The following PIK3R6 variants were observed in gnomAD, a reference collection of about 807,000 sequenced individuals.
PIK3R6 encodes phosphoinositide-3-kinase regulatory subunit 6.
PIK3R6 carries 91 observed loss-of-function variants against 84.9 expected under a neutral mutation model. That is an observed-to-expected ratio of 1.07 (90% CI 0.90 to 1.28). The LOEUF is 1.28. Ranked by LOEUF, PIK3R6 falls within the 50% of genes most tolerant of loss-of-function variation. PIK3R6 has a pLI of 0.00. For synonymous variants in PIK3R6, 416 were observed against 411.4 expected (o/e 1.01, Z -0.13); for missense variants, 996 against 985.1 (o/e 1.01, Z -0.15).
chr17:8,823,847 C>T (rs572235230), intron 13 of PIK3R6, among the ~76,000 whole-genome samples: 81 of 152,260 alleles, frequency 5.3e-4, no homozygotes, highest in Middle Eastern at 3.4e-3. Context: ...GGGCTACTTG[C>T]CATTGGCCAA....
chr17:8,819,953 ATAT>A (rs1359133417), intron 17 of PIK3R6, among the ~76,000 whole-genome samples: 8 of 117,212 alleles, frequency 6.8e-5, no homozygotes, highest in East Asian at 5.3e-4. Flanking sequence ...ATATATATAT[ATAT>A]TTTTTTTTTG....
intron 1 of PIK3R6, 65 bp downstream of exon 1, chr17:8,867,464 C>T (rs1358578308): frequency 1.2e-5 from 3 of 243,130 alleles, no homozygotes; most frequent in Non-Finnish European, 8.8e-6. Context: ...TCCCTCCGTT[C>T]CACCCCTCTA....
intron 18 of PIK3R6, among the ~76,000 whole-genome samples, chr17:8,817,381 C>T (rs950731212): frequency 1.1e-4 from 17 of 152,158 alleles, no homozygotes; most frequent in African/African-American, 3.9e-4. Flanking sequence ...TGGTGGCTCA[C>T]GCTTGTAATC....
At chr17:8,816,437 C>G (rs2087544529) in intron 18 of PIK3R6, among the ~76,000 whole-genome samples, 1 of 152,062 alleles carries the variant, frequency 6.6e-6, no homozygotes, top group Non-Finnish European at 1.5e-5. Flanking sequence ...GGTCTTTAGA[C>G]ATATATAATG....
chr17:8,851,963 T>C (rs915636127), intron 1 of PIK3R6, among the ~76,000 whole-genome samples: 1 of 152,228 alleles, frequency 6.6e-6, no homozygotes, highest in Non-Finnish European at 1.5e-5. Context: ...AATTCAGATA[T>C]ATGCTGCATC....
chr17:8,856,827 A>AT (rs1327803693), intron 1 of PIK3R6, among the ~76,000 whole-genome samples: 1 of 151,654 alleles, frequency 6.6e-6, no homozygotes, highest in Non-Finnish European at 1.5e-5. Context: ...ATTTGACCTT[A>AT]TTTTTTACTG....
rs181910300 is a variant in PIK3R6 at position 8,824,513 on chromosome 17, C to T, written c.1516-1016G>A. On this transcript the variant is annotated intron_variant, in intron 13 of 19. Transcript: ENST00000619866. ...TGGTGTACTGAAATATTGTTCCCTTCGAAAGGGTCACACTGAGGAGCTATG... is the reference window on the plus strand; with the variant it reads ...TGGTGTACTGAAATATTGTTCCCTTTGAAAGGGTCACACTGAGGAGCTATG... Among the ~76,000 whole-genome samples, 92 of 152,310 alleles carry T rather than the reference C, an allele frequency of 6.0e-4. 2 individuals carry two copies. Among genetic ancestry groups the T allele is most frequent in the African/African-American group, 1.9e-3 (78 of 41,584 alleles).
chr17:8,851,413 G>A (rs887792957), intron 1 of PIK3R6, among the ~76,000 whole-genome samples: 2 of 139,302 alleles, frequency 1.4e-5, no homozygotes, highest in Admixed American at 6.9e-5. Context: ...GGAGAATGGC[G>A]TGAACCCCGG....
intron 17 of PIK3R6, among the ~76,000 whole-genome samples, chr17:8,819,799 TAG>T (rs2087665969): frequency 6.8e-6 from 1 of 146,876 alleles, no homozygotes; most frequent in African/African-American, 2.5e-5. Context: ...TGTGTATATA[TAG>T]ACACACACGT....
chr17:8,827,158 T>G lies in PIK3R6; in HGVS notation c.1515+14A>C, dbSNP rs764260655. On this transcript the variant is annotated intron_variant, in intron 13 of 19. Transcript: ENST00000619866. ...GTCCCTCTCTCCCTCCCTGGTACCC[T>G]CACCCTCCCCTACCATCTCAGCCAG... The G allele has an allele frequency of 1.2e-5, 20 of 1,611,496 alleles. No homozygotes were observed. The highest frequency in any genetic ancestry group is 1.4e-5 in the Non-Finnish European group (17 of 1,178,632).
chr17:8,849,278 G>C (rs761531382), intron 2 of PIK3R6, among the ~76,000 whole-genome samples: 5 of 152,196 alleles, frequency 3.3e-5, no homozygotes, highest in Non-Finnish European at 5.9e-5. Context: ...AAATCATTAA[G>C]CCTAGACACT....
At position 8,839,767 on chromosome 17, in the gene PIK3R6, C is replaced by T; in HGVS notation, c.14-70G>A. The T allele has an allele frequency of 7.7e-7, 1 of 1,298,720 alleles. No homozygotes were observed. The highest frequency in any genetic ancestry group is 1.1e-6 in the Non-Finnish European group (1 of 936,500). The allele number at this position is 1,298,720 out of a possible 1,614,324, so 80.4% of individuals were successfully genotyped here. A position where few individuals can be genotyped will look rare whatever the true frequency, so the allele number is the denominator to read the frequency against. On this transcript the variant is annotated intron_variant, in intron 2 of 19. Transcript: ENST00000619866. The surrounding 1 kb of genome is among the most constrained non-coding windows in gnomAD (Gnocchi z 4.2). ...CACCCTCGTCCCACCTCCATTCCTTCCGAGAGTGTCTTTAGCCATTTCTCT... is the reference window on the plus strand; with the variant it reads ...CACCCTCGTCCCACCTCCATTCCTTTCGAGAGTGTCTTTAGCCATTTCTCT...
chr17:8,835,163 G>T lies in PIK3R6; in HGVS notation c.645+110C>A, dbSNP rs72841877. 5.8e-3 allele frequency: 6,889 copies of T among 1,188,878 alleles called. 41 individuals are homozygous for T. The highest frequency in any genetic ancestry group is 0.028 in the Middle Eastern group (89 of 3,236). 73.6% of individuals were successfully genotyped at this position (1,188,878 alleles called of 1,614,324 possible). On this transcript the variant is annotated intron_variant, in intron 8 of 19. Coordinates refer to ENST00000619866, the MANE Select transcript of PIK3R6 (RefSeq NM_001010855.4). Reference sequence around the variant, plus strand: ...AAAATGTATTAATTTTTGATTTGGGGGAAAAGGTGATGCGAAACAGGAGAA... The same window carrying T: ...AAAATGTATTAATTTTTGATTTGGGTGAAAAGGTGATGCGAAACAGGAGAA...
intron 1 of PIK3R6, among the ~76,000 whole-genome samples, chr17:8,864,529 CTTT>C (rs35714531): frequency 0.013 from 877 of 65,466 alleles, 12 homozygotes; most frequent in African/African-American, 0.056. Context: ...CTTCACAGCT[CTTT>C]TTTTTTTTTT....
chr17:8,830,854 C>T (rs2088207907), intron 9 of PIK3R6, among the ~76,000 whole-genome samples: 2 of 152,132 alleles, frequency 1.3e-5, no homozygotes, highest in Admixed American at 1.3e-4. Flanking sequence ...TTAAGATGCA[C>T]AGGGCTTGGC....
chr17:8,836,810 T>C lies in PIK3R6; in HGVS notation c.372A>G (p.Lys124=). 1 of 1,607,624 alleles carries C rather than the reference T, an allele frequency of 6.2e-7. No homozygotes were observed. Among genetic ancestry groups the C allele is most frequent in the South Asian group, 1.1e-5 (1 of 89,632 alleles). Residue 124 remains lysine, a synonymous_variant, in exon 6 of 20, where the codon AAA becomes AAG. Coordinates refer to ENST00000619866, the MANE Select transcript of PIK3R6 (RefSeq NM_001010855.4). ...TVALDCAIRL[K]TEMAVPGTLY... ...TCTTACCTGGGACAGCCATCTCCGT[T>C]TTCAGCCTTATCGCGCAGTCCAAGG...
chr17:8,820,644 T>C (rs1441008159), intron 17 of PIK3R6, among the ~76,000 whole-genome samples: 1 of 152,240 alleles, frequency 6.6e-6, no homozygotes, highest in African/African-American at 2.4e-5. Context: ...GAGTTTTATA[T>C]GTCATCCACA....
rs1420174960 is a variant in PIK3R6, at chr17:8,839,164, A to G, written c.97+450T>C. Among the ~76,000 whole-genome samples, 2 of 152,116 alleles carry G rather than the reference A, an allele frequency of 1.3e-5. No individual in the cohort carries two copies. The highest frequency in any genetic ancestry group is 2.4e-5 in the African/African-American group (1 of 41,422). On this transcript the variant is annotated intron_variant, in intron 3 of 19. Transcript: ENST00000619866. This position sits in a 1 kb window ranked among gnomAD's most constrained non-coding sequence, Gnocchi z 4.2. ...GGAGTTCGAGACCAACCTGGCCAAC[A>G]TGGTGAAACTGCATCTCTACGAAAA... is the stretch of plus-strand genomic sequence containing the variant.
At chr17:8,840,628 A>C (rs987226492) in intron 2 of PIK3R6, among the ~76,000 whole-genome samples, 2 of 147,952 alleles carry the variant, frequency 1.4e-5, no homozygotes, top group African/African-American at 4.9e-5. Flanking sequence ...TATCCTCCAA[A>C]TATATATGAA....
Sources: gnomAD v4.1 joint callset for allele counts (sites outside exome capture counted in the v4.1 genomes callset) on GRCh38, gnomAD v4.1.1 for gene constraint, Gnocchi (gnomAD v3.1) non-coding constraint, MANE v1.5 for transcripts, NCBI Gene and HGNC (gene_info 2026-07-23, HGNC 2026-07-21) for gene names.